The following SLC39A9 variants were observed in gnomAD, a reference collection of about 807,000 sequenced individuals.
SLC39A9 encodes the protein zinc transporter ZIP9.
A neutral mutation model predicts 28.4 loss-of-function variants in SLC39A9; 14 were observed. That is an observed-to-expected ratio of 0.49 (90% CI 0.33 to 0.77). SLC39A9 has a LOEUF of 0.77. SLC39A9 is among the 30% of genes least tolerant of loss of function. SLC39A9 has a pLI of 0.02. For synonymous variants in SLC39A9, 119 were observed against 149.6 expected, an observed-to-expected ratio of 0.80 and a Z score of 1.49; for missense variants, 283 against 381.1, an observed-to-expected ratio of 0.74 and a Z score of 2.14.
chr14:69,446,326 A>G (rs1566922804), intron 3 of SLC39A9, among the ~76,000 whole-genome samples: 1 of 151,594 alleles, frequency 6.6e-6, no homozygotes, highest in Non-Finnish European at 1.5e-5. Flanking sequence ...TGGGGCCTAG[A>G]AATAAAGACA....
intron 1 of SLC39A9, among the ~76,000 whole-genome samples, chr14:69,404,591 A>G (rs1450490434): frequency 6.6e-6 from 1 of 152,174 alleles, no homozygotes; most frequent in East Asian, 1.9e-4. Context: ...TTTATTTGGA[A>G]ACAGACTTAA....
At chr14:69,406,560 C>A (rs548330932) in intron 1 of SLC39A9, among the ~76,000 whole-genome samples, 1 of 152,014 alleles carries the variant, frequency 6.6e-6, no homozygotes, top group African/African-American at 2.4e-5. Flanking sequence ...CAGTGGCTCA[C>A]GCCTGTAATC....
At chr14:69,418,449 G>T (rs1883694476) in intron 1 of SLC39A9, among the ~76,000 whole-genome samples, 1 of 152,034 alleles carries the variant, frequency 6.6e-6, no homozygotes, top group Admixed American at 6.6e-5. Flanking sequence ...TTGTTGTCGT[G>T]TCTCTGCCAG....
chr14:69,415,937 T>TTAA (rs1883551590), intron 1 of SLC39A9, among the ~76,000 whole-genome samples: 1 of 152,192 alleles, frequency 6.6e-6, no homozygotes, highest in African/African-American at 2.4e-5. Flanking sequence ...ATTATTATTA[T>TTAA]ACTTTTAAGT....
At chr14:69,418,154 A>T (rs916408532) in intron 1 of SLC39A9, among the ~76,000 whole-genome samples, 4 of 152,158 alleles carry the variant, frequency 2.6e-5, no homozygotes, top group African/African-American at 7.2e-5. Context: ...TACCTAGTTT[A>T]TTGAGAGTTT....
At chr14:69,432,830 A>G (rs1300902080) in intron 2 of SLC39A9, among the ~76,000 whole-genome samples, 2 of 152,254 alleles carry the variant, frequency 1.3e-5, no homozygotes, top group East Asian at 3.9e-4. Flanking sequence ...TTTGTTGAAG[A>G]TCAGATGGCT....
chr14:69,408,879 C>CTGTTTT (rs1468312941), intron 1 of SLC39A9, among the ~76,000 whole-genome samples: 205 of 152,330 alleles, frequency 1.3e-3, no homozygotes, highest in Non-Finnish European at 2.2e-3. Flanking sequence ...GAGGGGAAAA[C>CTGTTTT]ATCTCTATGT....
chr14:69,431,183 A>C (rs747190947), intron 2 of SLC39A9, among the ~76,000 whole-genome samples: 1 of 152,298 alleles, frequency 6.6e-6, no homozygotes, highest in South Asian at 2.1e-4. Context: ...ACAGATCTGC[A>C]GATAGTTTAT....
chr14:69,433,558 T>A (rs550018756), intron 2 of SLC39A9, among the ~76,000 whole-genome samples: 1 of 152,330 alleles, frequency 6.6e-6, no homozygotes, highest in East Asian at 1.9e-4. Flanking sequence ...TTTGCAATCT[T>A]GGCCTGGCAT....
intron 2 of SLC39A9, among the ~76,000 whole-genome samples, chr14:69,427,320 G>A (rs995518149): frequency 6.6e-6 from 1 of 152,020 alleles, no homozygotes; most frequent in Non-Finnish European, 1.5e-5. Context: ...ATTTTGTGGT[G>A]TCATTTGAAA....
Position 69,461,654 on chromosome 14 carries a change from G to GA in SLC39A9, c.*3061_*3062insA, listed in dbSNP as rs1267750722. On this transcript the variant is annotated 3_prime_UTR_variant, in exon 7 of 7. Transcript: ENST00000336643. ...ATGTGATTGTGTTTTTTTTTTACCAGCCTACTTCTAAGTGTCACTGCCTGG... is the reference window on the plus strand; with the variant it reads ...ATGTGATTGTGTTTTTTTTTTACCAGACCTACTTCTAAGTGTCACTGCCTGG... The GA allele has an allele frequency of 1.3e-6, 2 of 1,533,930 alleles. No homozygotes were observed. Among genetic ancestry groups the GA allele is most frequent in the East Asian group, 4.9e-5 (2 of 40,882 alleles).
chr14:69,454,322 G>A (rs1885752920), intron 4 of SLC39A9, among the ~76,000 whole-genome samples: 1 of 152,104 alleles, frequency 6.6e-6, no homozygotes, highest in Non-Finnish European at 1.5e-5. Context: ...CGAGGCTGGA[G>A]TGCACTGGCA....
At chr14:69,444,192 A>G (rs530656952) in intron 3 of SLC39A9, among the ~76,000 whole-genome samples, 10 of 152,194 alleles carry the variant, frequency 6.6e-5, no homozygotes, top group African/African-American at 2.4e-4. Context: ...TCCCATCTCA[A>G]AAAAAATAAA....
In SLC39A9 at chr14:69,442,284, T is replaced by C. The variant is rs201924955; in HGVS notation, c.403+18T>C. 6 of 1,611,430 alleles carry C rather than the reference T, an allele frequency of 3.7e-6. No individual in the cohort carries two copies. The East Asian group carries it at 1.3e-4, about 36-fold the overall frequency. ...TACTGACGGTGAGTGGCTCCAAGGC[T>C]TTCTGGGCAGTGCAATACATTTGCA... On this transcript the variant is annotated intron_variant, in intron 3 of 6. Transcript: ENST00000336643.
At chr14:69,432,963 A>G (rs1040974531) in intron 2 of SLC39A9, among the ~76,000 whole-genome samples, 1 of 152,112 alleles carries the variant, frequency 6.6e-6, no homozygotes, top group African/African-American at 2.4e-5. Flanking sequence ...AAATCAGGTA[A>G]TGTGTTGCCT....
rs879168491 is a variant in SLC39A9, at chr14:69,459,241, G to A, written c.*648G>A. The A allele has an allele frequency of 3.0e-5, 30 of 985,350 alleles. No individual in the cohort carries two copies. The South Asian group carries it at 7.0e-4, about 23-fold the overall frequency. The allele number at this position is 985,350 out of a possible 1,614,324, so 61.0% of individuals were successfully genotyped here. ...GGGATTTAAACAGCTCCTTTGGCAC[G>A]TGCCTCTCTGAATCCAGCCTGCCAT... On this transcript the variant is annotated 3_prime_UTR_variant, in exon 7 of 7. Transcript: ENST00000336643.
chr14:69,403,756 A>G (rs1364934841), intron 1 of SLC39A9, among the ~76,000 whole-genome samples: 1 of 152,204 alleles, frequency 6.6e-6, no homozygotes, highest in Non-Finnish European at 1.5e-5. Context: ...TTAAAACAGC[A>G]AAGCAGGCCA....
At chr14:69,455,946 C>A in intron 6 of SLC39A9, 80 bp downstream of exon 6, 1 of 1,514,372 alleles carries the variant, frequency 6.6e-7, no homozygotes, top group Non-Finnish European at 9.0e-7. Context: ...TTGAATTTTT[C>A]CAATACATTA....
intron 1 of SLC39A9, 144 bp downstream of exon 1, chr14:69,399,609 A>T: frequency 1.6e-6 from 1 of 630,490 alleles, no homozygotes. Context: ...GATACATGAC[A>T]CTTAATAATA....
Sources: allele counts gnomAD v4.1 joint callset (sites outside exome capture counted in the v4.1 genomes callset), GRCh38; gene constraint gnomAD v4.1.1; transcripts MANE v1.5; gene names NCBI Gene and HGNC (gene_info 2026-07-23, HGNC 2026-07-21).